DMD: variants seen among roughly 807,000 people sequenced by gnomAD.
DMD encodes dystrophin.
Under a neutral mutation model 330.1 loss-of-function variants are expected in DMD, and 63 were observed. The observed-to-expected ratio is 0.19, with a 90% CI of 0.16 to 0.24. DMD has a LOEUF of 0.24. Among genes scored for constraint, DMD ranks in the 10% least tolerant of loss-of-function variants. DMD has a pLI of 1.00. For missense variants in DMD, 3,344 were observed against 2,684.1 expected (o/e 1.25, Z -5.43); for synonymous variants, 1,223 against 959.8 (o/e 1.27, Z -5.07).
intron 9 of DMD, among the ~76,000 whole-genome samples, chrX:32,684,920 C>A (rs1040420621): frequency 9.0e-6 from 1 of 111,391 alleles, no homozygotes; most frequent in African/African-American, 3.3e-5. Context: ...TTCTAACTTT[C>A]CTTAGAGTCT....
intron 9 of DMD, among the ~76,000 whole-genome samples, chrX:32,684,803 C>T (rs1221820133): frequency 9.0e-6 from 1 of 110,923 alleles, no homozygotes; most frequent in African/African-American, 3.3e-5. Flanking sequence ...CCTATTGGGG[C>T]ATTCTAGTTT....
At chrX:32,837,817 G>C (rs1355795860) in intron 4 of DMD, among the ~76,000 whole-genome samples, 1 of 112,155 alleles carries the variant, frequency 8.9e-6, no homozygotes, top group Non-Finnish European at 1.9e-5. Context: ...CATAGGCTCA[G>C]GGGAGAGCAT....
chrX:31,542,272 T>A (rs2073874672), intron 55 of DMD, among the ~76,000 whole-genome samples: 1 of 111,367 alleles, frequency 9.0e-6, no homozygotes, highest in Non-Finnish European at 1.9e-5. Context: ...ATCCTTAAAG[T>A]TTGAGTGGAA....
Position 32,640,141 on chromosome X carries a change from C to A in DMD, c.1331+3991G>T, listed in dbSNP as rs189917143. On this transcript the variant is annotated intron_variant, in intron 11 of 78. Transcript: ENST00000357033. ...ATATAATACTTCATATAGAAAATAT[C>A]AAATTACATATAAAAAGTGACATGG... Among the ~76,000 whole-genome samples the A allele has an allele frequency of 8.8e-3, 953 of 108,790 alleles. 12 individuals are homozygous for A. Among genetic ancestry groups the A allele is most frequent in the African/African-American group, 0.031 (920 of 30,141 alleles). The allele number at this position is 108,790 out of a possible 115,157, so 94.5% of individuals were successfully genotyped here.
intron 44 of DMD, among the ~76,000 whole-genome samples, chrX:31,979,229 AT>A (rs2095458865): frequency 9.0e-6 from 1 of 110,950 alleles, no homozygotes; most frequent in Non-Finnish European, 1.9e-5. Flanking sequence ...AATTTTTAAA[AT>A]TTTTTTGTGG....
At chrX:31,446,548 T>A (rs918551156) in intron 59 of DMD, among the ~76,000 whole-genome samples, 2 of 112,055 alleles carry the variant, frequency 1.8e-5, no homozygotes, top group Admixed American at 1.9e-4. Flanking sequence ...GGAATCAGTG[T>A]GAAATTCAGA....
At chrX:32,643,352 C>T (rs1430915999) in intron 11 of DMD, among the ~76,000 whole-genome samples, 3 of 107,150 alleles carry the variant, frequency 2.8e-5, no homozygotes, top group South Asian at 4.0e-4. Context: ...TTTTTTTTAA[C>T]GCTTTTGAAC....
At chrX:31,574,780 T>C (rs1283955587) in intron 55 of DMD, among the ~76,000 whole-genome samples, 1 of 111,481 alleles carries the variant, frequency 9.0e-6, no homozygotes, top group African/African-American at 3.3e-5. Context: ...ACATCGTATT[T>C]GGCCAAATCA....
intron 2 of DMD, among the ~76,000 whole-genome samples, chrX:32,910,285 A>G (rs1333643631): frequency 9.0e-6 from 1 of 111,449 alleles, no homozygotes; most frequent in African/African-American, 3.3e-5. Flanking sequence ...ATTATGTAGG[A>G]CAGCTCTCTT....
chrX:32,495,094 T>A (rs900029996), intron 19 of DMD, among the ~76,000 whole-genome samples: 1 of 112,165 alleles, frequency 8.9e-6, no homozygotes, highest in African/African-American at 3.2e-5. Context: ...ACGTGGAAAT[T>A]TCTAGATGTT....
chrX:31,184,069 C>T (rs1408503647), intron 67 of DMD, among the ~76,000 whole-genome samples: 1 of 110,415 alleles, frequency 9.1e-6, no homozygotes, highest in Non-Finnish European at 1.9e-5. Flanking sequence ...CCACCCCACC[C>T]GGCTACTTTT....
At chrX:31,840,063 G>A (rs2093284357) in intron 48 of DMD, among the ~76,000 whole-genome samples, 2 of 110,991 alleles carry the variant, frequency 1.8e-5, no homozygotes, top group African/African-American at 6.6e-5. Context: ...TCGAGCATAG[G>A]AAGTCAATAT....
chrX:33,068,517 A>C lies in DMD; in HGVS notation c.32-48317T>G, dbSNP rs918151500. ...CATTTCACTCTTAAATTCAGAAAAA[A>C]AATACATGTAATTCAAAATAAACGT... On this transcript the variant is annotated intron_variant, in intron 1 of 78. Coordinates refer to ENST00000357033, the MANE Select transcript of DMD (RefSeq NM_004006.3). Among the ~76,000 whole-genome samples, 4 of 112,408 alleles carry C rather than the reference A, an allele frequency of 3.6e-5. No individual in the cohort carries two copies. The Admixed American group carries it at 3.8e-4, about 11-fold the overall frequency.
intron 2 of DMD, among the ~76,000 whole-genome samples, chrX:32,992,449 C>A (rs1411150254): frequency 9.0e-6 from 1 of 111,434 alleles, no homozygotes; most frequent in Non-Finnish European, 1.9e-5. Context: ...CCAGTCATTT[C>A]TAAAGATAAA....
At chrX:32,752,839 G>T (rs1029462781) in intron 7 of DMD, among the ~76,000 whole-genome samples, 1 of 110,117 alleles carries the variant, frequency 9.1e-6, no homozygotes, top group Non-Finnish European at 1.9e-5. Context: ...TGTAAGTGGA[G>T]TTTCCCTGCA....
chrX:31,743,243 T>C (rs1351980530), intron 51 of DMD, among the ~76,000 whole-genome samples: 1 of 112,719 alleles, frequency 8.9e-6, no homozygotes, highest in East Asian at 2.8e-4. Flanking sequence ...TGATACACTG[T>C]TGCTGGGAAT....
At chrX:31,563,116 G>A (rs753475468) in intron 55 of DMD, among the ~76,000 whole-genome samples, 11 of 111,101 alleles carry the variant, frequency 9.9e-5, no homozygotes, top group Non-Finnish European at 1.9e-4. Context: ...CCAGGCTGGA[G>A]TACAATGGTG....
chrX:33,080,569 T>C (rs60501958), intron 1 of DMD, among the ~76,000 whole-genome samples: 3,736 of 111,775 alleles, frequency 0.033, 150 homozygotes, highest in African/African-American at 0.12. Context: ...ATAAAAAAGC[T>C]ATTTTAATTA....
intron 1 of DMD, among the ~76,000 whole-genome samples, chrX:33,155,095 T>C (rs979554978): frequency 4.5e-5 from 5 of 111,947 alleles, no homozygotes; most frequent in South Asian, 3.7e-4. Context: ...CACACAGCTC[T>C]ACCCTGATTT....
Sources: gnomAD v4.1 joint callset for allele counts (sites outside exome capture counted in the v4.1 genomes callset) on GRCh38, gnomAD v4.1.1 for gene constraint, MANE v1.5 for transcripts, NCBI Gene and HGNC (gene_info 2026-07-23, HGNC 2026-07-21) for gene names.